The following CEP85L variants were observed in gnomAD, a reference collection of about 807,000 sequenced individuals.
CEP85L encodes the protein centrosomal protein 85L.
In CEP85L, 60 loss-of-function variants were observed where a neutral mutation model predicts 100.3. The ratio of observed to expected loss-of-function variants is 0.60; its 90% CI spans 0.49 to 0.74. The LOEUF (loss-of-function observed/expected upper bound fraction) is 0.74. CEP85L is among the 30% of genes least tolerant of loss of function. CEP85L has a pLI of 0.00. For synonymous variants in CEP85L, 319 were observed against 322.7 expected (o/e 0.99, Z 0.12); for missense variants, 973 against 936.2 (o/e 1.04, Z -0.51).
intron 10 of CEP85L, among the ~76,000 whole-genome samples, chr6:118,477,101 G>A (rs892262098): frequency 6.6e-6 from 1 of 152,042 alleles, no homozygotes; most frequent in Non-Finnish European, 1.5e-5. Flanking sequence ...TATAATGACA[G>A]AAGAAAAAAC....
chr6:118,483,653 CAA>C, intron 7 of CEP85L, 51 bp downstream of exon 7: 2 of 1,537,136 alleles, frequency 1.3e-6, no homozygotes, highest in Non-Finnish European at 1.8e-6. Context: ...TTTCTAGAGT[CAA>C]GTTAACATGT....
At chr6:118,631,200 A>G (rs552842990) in intron 2 of CEP85L, among the ~76,000 whole-genome samples, 2 of 152,322 alleles carry the variant, frequency 1.3e-5, no homozygotes, top group Admixed American at 6.5e-5. Flanking sequence ...GTACCTCCCA[A>G]TGAATTTTCC....
At chr6:118,590,246 A>G (rs572153000) in intron 2 of CEP85L, among the ~76,000 whole-genome samples, 45 of 152,274 alleles carry the variant, frequency 3.0e-4, no homozygotes, top group Middle Eastern at 3.4e-3. Flanking sequence ...ACAAACTTAA[A>G]AAAACAGATA....
At chr6:118,616,584 G>A (rs1773063939) in intron 2 of CEP85L, among the ~76,000 whole-genome samples, 1 of 150,692 alleles carries the variant, frequency 6.6e-6, no homozygotes, top group Non-Finnish European at 1.5e-5. Context: ...GTGCTCTGTG[G>A]CCAGGTATGA....
At position 118,464,821 on chromosome 6, in the gene CEP85L, G is replaced by A. The variant is rs1026286868; in HGVS notation, c.*584C>T. ...CAACCACAAACATCCTATCAGTGCA[G>A]TAAGTGTTCAAAATATAAATGGTTT... On this transcript the variant is annotated 3_prime_UTR_variant, in exon 13 of 13. Transcript: ENST00000368491. 3 of 152,074 alleles carry A rather than the reference G, an allele frequency of 2.0e-5. No individual in the cohort carries two copies. Among genetic ancestry groups the A allele is most frequent in the Admixed American group, 1.3e-4 (2 of 15,228 alleles). 9.4% of individuals were successfully genotyped at this position (152,074 alleles called of 1,614,324 possible).
intron 1 of CEP85L, among the ~76,000 whole-genome samples, chr6:118,643,336 G>A (rs1016130538): frequency 1.7e-4 from 26 of 152,096 alleles, no homozygotes; most frequent in African/African-American, 2.4e-4. Flanking sequence ...AATTTCTTAT[G>A]GTCAGGAGGC....
intron 1 of CEP85L, among the ~76,000 whole-genome samples, chr6:118,701,941 T>C (rs1777423050): frequency 6.6e-6 from 1 of 152,138 alleles, no homozygotes; most frequent in Non-Finnish European, 1.5e-5. Flanking sequence ...AGAGAAAAGG[T>C]CCATATGATG....
At chr6:118,694,855 T>A (rs180884658) in intron 1 of CEP85L, among the ~76,000 whole-genome samples, 2 of 152,230 alleles carry the variant, frequency 1.3e-5, no homozygotes, top group African/African-American at 4.8e-5. Flanking sequence ...AGCCATCCCA[T>A]GTTCCCTTTC....
At chr6:118,676,350 C>T (rs531778763) in intron 1 of CEP85L, among the ~76,000 whole-genome samples, 2 of 152,292 alleles carry the variant, frequency 1.3e-5, no homozygotes, top group East Asian at 3.9e-4. Flanking sequence ...CTCATCCCCT[C>T]TCTAGCCGTT....
intron 2 of CEP85L, among the ~76,000 whole-genome samples, chr6:118,599,697 T>A (rs11153759): frequency 0.47 from 70,779 of 151,978 alleles, 16,987 homozygotes; most frequent in Middle Eastern, 0.57. Context: ...AAGGTAAATA[T>A]CACTAATGAT....
At chr6:118,662,487 G>A (rs565946786) in intron 1 of CEP85L, among the ~76,000 whole-genome samples, 24 of 151,336 alleles carry the variant, frequency 1.6e-4, no homozygotes, top group African/African-American at 2.9e-4. Flanking sequence ...CCGAGATCGC[G>A]CCACTGCATT....
rs564335588 is a variant in CEP85L, at chr6:118,586,906, A to C, written c.233-20590T>G. On this transcript the variant is annotated intron_variant, in intron 2 of 12. Coordinates refer to ENST00000368491, the MANE Select transcript of CEP85L (RefSeq NM_001042475.3). The stretch of plus-strand genomic sequence containing the variant: ...CCTCAGGGTGGAATGTCAGAGAGAG[A>C]ATCTCAATTACTACTGCATTTTGCT... Among the ~76,000 whole-genome samples, 129 of 152,294 alleles carry C rather than the reference A, an allele frequency of 8.5e-4. 1 individual carries two copies. The highest frequency in any genetic ancestry group is 2.3e-3 in the African/African-American group (97 of 41,564).
chr6:118,606,912 G>A (rs758434427), intron 2 of CEP85L, among the ~76,000 whole-genome samples: 8 of 151,852 alleles, frequency 5.3e-5, no homozygotes, highest in Non-Finnish European at 7.4e-5. Flanking sequence ...TCAGTCAACC[G>A]TTTGCACAGA....
chr6:118,489,027 G>C (rs1276104102), intron 6 of CEP85L, among the ~76,000 whole-genome samples: 1 of 152,118 alleles, frequency 6.6e-6, no homozygotes, highest in Non-Finnish European at 1.5e-5. Flanking sequence ...CAGCACTTTG[G>C]GGGGCCAAGG....
chr6:118,700,533 A>T (rs1339381933), intron 1 of CEP85L, among the ~76,000 whole-genome samples: 2 of 152,150 alleles, frequency 1.3e-5, no homozygotes, highest in Non-Finnish European at 2.9e-5. Flanking sequence ...CCATTTCCAC[A>T]CATATTCTCC....
At chr6:118,545,493 C>T (rs1409861660) in intron 3 of CEP85L, among the ~76,000 whole-genome samples, 1 of 152,132 alleles carries the variant, frequency 6.6e-6, no homozygotes, top group Non-Finnish European at 1.5e-5. Context: ...GAGGCTGAGG[C>T]AGGAGAATCG....
intron 3 of CEP85L, among the ~76,000 whole-genome samples, chr6:118,558,648 C>G (rs1465346157): frequency 5.1e-5 from 7 of 137,264 alleles, no homozygotes; most frequent in African/African-American, 2.3e-4. Context: ...CACACACACA[C>G]ACACACACAC....
intron 1 of CEP85L, among the ~76,000 whole-genome samples, chr6:118,638,436 C>T (rs958424183): frequency 4.0e-5 from 6 of 151,566 alleles, no homozygotes; most frequent in African/African-American, 1.5e-4. Flanking sequence ...TGTCTTTAGA[C>T]AAGTCAATCC....
intron 1 of CEP85L, among the ~76,000 whole-genome samples, chr6:118,639,050 T>C (rs926988801): frequency 6.6e-6 from 1 of 152,128 alleles, no homozygotes; most frequent in African/African-American, 2.4e-5. Context: ...ATAATACAAA[T>C]CGAGAATACA....
Sources: allele counts gnomAD v4.1 joint callset (sites outside exome capture counted in the v4.1 genomes callset), GRCh38; gene constraint gnomAD v4.1.1; transcripts MANE v1.5; gene names NCBI Gene and HGNC (gene_info 2026-07-23, HGNC 2026-07-21).